The following MRPL13 variants were observed in gnomAD, a reference collection of about 807,000 sequenced individuals.
The protein encoded by MRPL13 is large ribosomal subunit protein uL13m.
In MRPL13, 33 loss-of-function variants were observed where a neutral mutation model predicts 29.0. That is an observed-to-expected ratio of 1.14 (90% CI 0.86 to 1.52). The LOEUF (loss-of-function observed/expected upper bound fraction) is 1.52, where lower values mean the gene tolerates loss of function less well. Ranked by LOEUF, MRPL13 falls within the 40% of genes most tolerant of loss-of-function variation. The pLI is 0.00. For synonymous variants in MRPL13, 77 were observed against 68.4 expected, an observed-to-expected ratio of 1.13 and a Z score of -0.62; for missense variants, 227 against 216.7, an observed-to-expected ratio of 1.05 and a Z score of -0.30.
chr8:120,430,097 A>C (rs1812981188), intron 3 of MRPL13, among the ~76,000 whole-genome samples: 1 of 152,110 alleles, frequency 6.6e-6, no homozygotes, highest in African/African-American at 2.4e-5. Context: ...CCCTGTCCCT[A>C]CTAAAAATAC....
intron 6 of MRPL13, among the ~76,000 whole-genome samples, chr8:120,403,745 T>C (rs901047560): frequency 1.3e-5 from 2 of 152,212 alleles, no homozygotes; most frequent in African/African-American, 2.4e-5. Flanking sequence ...AATCTACTAG[T>C]CCTTTTCTAT....
chr8:120,441,533 C>G (rs1045982722), intron 2 of MRPL13, among the ~76,000 whole-genome samples: 2 of 151,954 alleles, frequency 1.3e-5, no homozygotes, highest in African/African-American at 4.8e-5. Flanking sequence ...GAATGTGTTT[C>G]AAGAAGAAAG....
chr8:120,441,903 T>C (rs1586930050), intron 2 of MRPL13, among the ~76,000 whole-genome samples: 1 of 152,170 alleles, frequency 6.6e-6, no homozygotes, highest in African/African-American at 2.4e-5. Flanking sequence ...GAATAAAAAA[T>C]ATATGATAAA....
At chr8:120,415,848 C>T (rs1240073698) in intron 5 of MRPL13, 1 of 152,022 alleles carries the variant, frequency 6.6e-6, no homozygotes, top group Non-Finnish European at 1.5e-5. Flanking sequence ...CAGATATTTC[C>T]AAAGATGTAT....
intron 6 of MRPL13, among the ~76,000 whole-genome samples, chr8:120,396,667 C>T (rs1053986236): frequency 6.6e-6 from 1 of 151,890 alleles, no homozygotes; most frequent in African/African-American, 2.4e-5. Context: ...TAAGATTAAC[C>T]ACACCTGAGA....
At chr8:120,404,253 G>A (rs974819645) in intron 6 of MRPL13, among the ~76,000 whole-genome samples, 5 of 152,192 alleles carry the variant, frequency 3.3e-5, no homozygotes, top group Non-Finnish European at 7.3e-5. Flanking sequence ...CAAGAAGTCT[G>A]CAACTCCACT....
At chr8:120,429,653 T>C (rs1319228261) in intron 3 of MRPL13, among the ~76,000 whole-genome samples, 1 of 152,116 alleles carries the variant, frequency 6.6e-6, no homozygotes, top group Admixed American at 6.5e-5. Context: ...ACAAAAAGGT[T>C]CTCTGAGAAT....
chr8:120,418,531 T>C (rs1563773746), intron 5 of MRPL13, among the ~76,000 whole-genome samples: 1 of 152,080 alleles, frequency 6.6e-6, no homozygotes, highest in Non-Finnish European at 1.5e-5. Flanking sequence ...TAAAATGTAC[T>C]GTCAAGCTTC....
At position 120,400,378 on chromosome 8, in the gene MRPL13, T is replaced by C. The variant is rs141280580; in HGVS notation, c.516-4253A>G. Among the ~76,000 whole-genome samples the C allele has an allele frequency of 5.0e-3, 762 of 152,252 alleles. 1 individual carries two copies. Among genetic ancestry groups the C allele is most frequent in the African/African-American group, 0.018 (728 of 41,558 alleles). ...GAACAATCTGCTCCTGAATGACTCCTGGGTCAATAATGAAATTAAGGCAGA... is the reference window on the plus strand; with the variant it reads ...GAACAATCTGCTCCTGAATGACTCCCGGGTCAATAATGAAATTAAGGCAGA... On this transcript the variant is annotated intron_variant, in intron 6 of 6. Transcript: ENST00000306185.
chr8:120,407,619 A>G (rs1159221840), intron 6 of MRPL13, among the ~76,000 whole-genome samples: 2 of 151,836 alleles, frequency 1.3e-5, no homozygotes, highest in African/African-American at 4.8e-5. Flanking sequence ...TCACCACCCC[A>G]GCCTGGGCAA....
chr8:120,417,079 C>A (rs1812812378), intron 5 of MRPL13, among the ~76,000 whole-genome samples: 5 of 152,086 alleles, frequency 3.3e-5, no homozygotes, highest in Admixed American at 3.3e-4. Flanking sequence ...GAGTCCAGGC[C>A]AGTTATGTTG....
At chr8:120,412,740 A>G (rs1812753849) in intron 6 of MRPL13, among the ~76,000 whole-genome samples, 1 of 152,088 alleles carries the variant, frequency 6.6e-6, no homozygotes, top group Admixed American at 6.5e-5. Context: ...TAAGATGTAA[A>G]TGTTGAACCA....
chr8:120,415,777 C>G (rs1401843484), intron 5 of MRPL13: 1 of 152,008 alleles, frequency 6.6e-6, no homozygotes, highest in Non-Finnish European at 1.5e-5. Flanking sequence ...CAGAGGATGC[C>G]TGGACATATA....
chr8:120,431,662 G>A (rs1001128992), intron 3 of MRPL13, among the ~76,000 whole-genome samples: 3 of 152,148 alleles, frequency 2.0e-5, no homozygotes, highest in African/African-American at 7.2e-5. Flanking sequence ...ATTTTATCTA[G>A]AGAAGAGTGA....
intron 6 of MRPL13, among the ~76,000 whole-genome samples, chr8:120,400,697 AAAATAAATAAAT>A (rs199590776): frequency 0.013 from 1,672 of 132,058 alleles, 25 homozygotes; most frequent in African/African-American, 0.035. Flanking sequence ...GGTTTTTTGG[AAAATAAATAAAT>A]AAATAAATAA....
At chr8:120,417,851 T>C (rs1812822863) in intron 5 of MRPL13, among the ~76,000 whole-genome samples, 1 of 152,166 alleles carries the variant, frequency 6.6e-6, no homozygotes. Flanking sequence ...AAGAACTAAG[T>C]TCCTTTTGGT....
intron 6 of MRPL13, among the ~76,000 whole-genome samples, chr8:120,402,691 T>A (rs555019504): frequency 6.6e-6 from 1 of 152,224 alleles, no homozygotes; most frequent in South Asian, 2.1e-4. Flanking sequence ...CAAAATAAAC[T>A]AGCATCAGAG....
At position 120,445,089 on chromosome 8, in the gene MRPL13, C is replaced by T; in HGVS notation, c.6G>A (p.Ser2=). The part of the protein sequence containing the change: M[S]SFSRAPQQWA... ...TCACCTGGGGCGCCCTAGAGAAACT[C>T]GACATATTCCTCTACTAGCAGGACC... is the stretch of plus-strand genomic sequence containing the variant. The change falls in exon 1 of 7, where the codon TCG becomes TCA. Residue 2 remains serine (S), a synonymous_variant. Transcript: ENST00000306185. 1 of 1,613,924 alleles carries T rather than the reference C, an allele frequency of 6.2e-7. No individual in the cohort carries two copies. The highest frequency in any genetic ancestry group is 1.1e-5 in the South Asian group (1 of 91,062).
At chr8:120,402,746 C>T (rs1242045762) in intron 6 of MRPL13, among the ~76,000 whole-genome samples, 1 of 152,120 alleles carries the variant, frequency 6.6e-6, no homozygotes, top group African/African-American at 2.4e-5. Context: ...TGTAATCTAT[C>T]CATCTGACAA....
Sources: allele counts gnomAD v4.1 joint callset (sites outside exome capture counted in the v4.1 genomes callset), GRCh38; gene constraint gnomAD v4.1.1; transcripts MANE v1.5; gene names NCBI Gene and HGNC (gene_info 2026-07-23, HGNC 2026-07-21).